Variants in CCDC50 observed in about 807,000 individuals in gnomAD.
CCDC50 encodes coiled-coil domain-containing protein 50.
Under a neutral mutation model 70.2 loss-of-function variants are expected in CCDC50, and 54 were observed. That is an observed-to-expected ratio of 0.77 (90% confidence interval 0.62 to 0.96). CCDC50 has a LOEUF of 0.96. CCDC50 is among the 50% of genes least tolerant of loss of function. The probability of loss-of-function intolerance (pLI) is 0.00; values close to 1 mark genes in which losing one functional copy is unlikely to be tolerated. For synonymous variants in CCDC50, 216 were observed against 198.8 expected, an observed-to-expected ratio of 1.09 and a Z score of -0.73; for missense variants, 558 against 578.7, an observed-to-expected ratio of 0.96 and a Z score of 0.37.
chr3:191,340,607 A>C (rs893279789), intron 1 of CCDC50, among the ~76,000 whole-genome samples: 1 of 152,204 alleles, frequency 6.6e-6, no homozygotes, highest in African/African-American at 2.4e-5. Flanking sequence ...TAATCTTCAC[A>C]TAGAATTCTA....
rs548841736 is a variant in CCDC50 at position 191,382,005 on chromosome 3, TTAAC to T, written c.1243-735_1243-732del. 4.6e-5 allele frequency among the ~76,000 whole-genome samples: 7 copies of T among 152,294 alleles called. No homozygotes were observed. In the South Asian group the frequency reaches 1.4e-3, roughly 32 times the overall value. On this transcript the variant is annotated intron_variant, in intron 9 of 11. Coordinates refer to ENST00000392455, the MANE Select transcript of CCDC50 (RefSeq NM_178335.3). ...TTAATTATGTATATTTAGCTCTCTC[TTAAC>T]TAACTCAGTAATTCAAGATTTTTTC...
rs142344820 is a variant in CCDC50, at chr3:191,351,677, GAT to G, written c.50-5409_50-5408del. Among the ~76,000 whole-genome samples the G allele has an allele frequency of 6.9e-3, 978 of 141,538 alleles. 113 individuals are homozygous for G. The highest frequency in any genetic ancestry group is 0.023 in the African/African-American group (915 of 39,764). 92.9% of individuals were successfully genotyped at this position (141,538 alleles called of 152,430 possible). Reference sequence around the variant, plus strand: ...ATGCAAGAAGAGAAAAAATATAAGAGATAGAGTTTGGTTGGCGTGAGGTGGAG... The same window carrying G: ...ATGCAAGAAGAGAAAAAATATAAGAGAGAGTTTGGTTGGCGTGAGGTGGAG... On this transcript the variant is annotated intron_variant, in intron 1 of 11. Coordinates refer to ENST00000392455, the MANE Select transcript of CCDC50 (RefSeq NM_178335.3).
chr3:191,351,663 G>T lies in CCDC50; in HGVS notation c.50-5425G>T, dbSNP rs533055624. 2.1e-5 allele frequency among the ~76,000 whole-genome samples: 3 copies of T among 141,308 alleles called. 1 individual carries two copies. The highest frequency in any genetic ancestry group is 4.8e-5 in the Non-Finnish European group (3 of 62,898). The allele number at this position is 141,308 out of a possible 152,430, so 92.7% of individuals were successfully genotyped here. Reference sequence around the variant, plus strand: ...GACTTCGGAAGCAAATGCAAGAAGAGAAAAAATATAAGAGATAGAGTTTGG... The same window carrying T: ...GACTTCGGAAGCAAATGCAAGAAGATAAAAAATATAAGAGATAGAGTTTGG... On this transcript the variant is annotated intron_variant, in intron 1 of 11. Transcript: ENST00000392455.
At chr3:191,350,732 C>T (rs374609869) in intron 1 of CCDC50, among the ~76,000 whole-genome samples, 1 of 141,946 alleles carries the variant, frequency 7.0e-6, no homozygotes, top group African/African-American at 2.5e-5. Context: ...GGTACTCATT[C>T]TGCATACTTG....
intron 3 of CCDC50, among the ~76,000 whole-genome samples, chr3:191,359,284 A>C (rs1712402754): frequency 6.6e-6 from 1 of 151,440 alleles, no homozygotes. Context: ...CAGAAGGAGC[A>C]GCATGCATAA....
chr3:191,329,587 G>T lies in CCDC50; in HGVS notation c.-88G>T. On this transcript the variant is annotated 5_prime_UTR_variant, in exon 1 of 12. Coordinates refer to ENST00000392455, the MANE Select transcript of CCDC50 (RefSeq NM_178335.3). ...GCCGGCCGGACTTTGCGCCGCGTCC[G>T]GCGCTGCTGCTGCGCTCGGGGCCCC... The T allele has an allele frequency of 7.1e-7, 1 of 1,407,856 alleles. No homozygotes were observed. The highest frequency in any genetic ancestry group is 9.7e-7 in the Non-Finnish European group (1 of 1,034,988). 87.2% of individuals were successfully genotyped at this position (1,407,856 alleles called of 1,614,324 possible).
rs1443339260 is a variant in CCDC50 at position 191,398,418 on chromosome 3, C to A, written c.*6658C>A. The A allele has an allele frequency of 2.0e-5, 3 of 152,084 alleles. No individual in the cohort carries two copies. The highest frequency in any genetic ancestry group is 4.4e-5 in the Non-Finnish European group (3 of 68,020). 9.4% of individuals were successfully genotyped at this position (152,084 alleles called of 1,614,324 possible). On this transcript the variant is annotated 3_prime_UTR_variant, in exon 12 of 12. Coordinates refer to ENST00000392455, the MANE Select transcript of CCDC50 (RefSeq NM_178335.3). ...TGTCCTTCTCTCTTAATAAAGTCAT[C>A]CATTTGTTAAGTCAGTGGTCTCTGT...
chr3:191,330,127 G>T (rs1051611850), intron 1 of CCDC50, among the ~76,000 whole-genome samples: 1 of 152,074 alleles, frequency 6.6e-6, no homozygotes, highest in Non-Finnish European at 1.5e-5. Flanking sequence ...ATTCAGTTCC[G>T]TGTGGAGCCT....
Position 191,357,303 on chromosome 3 carries a change from G to T in CCDC50, c.112+153G>T, listed in dbSNP as rs1560161550. ...GATTTCTTTAGGCAAATGATGCCTG[G>T]GTGATCAGTGAAGTTTCGGGCATGT... On this transcript the variant is annotated intron_variant, in intron 2 of 11. Transcript: ENST00000392455. 2.6e-5 allele frequency among the ~76,000 whole-genome samples: 4 copies of T among 152,114 alleles called. No homozygotes were observed. The South Asian group carries it at 8.3e-4, about 32-fold the overall frequency.
chr3:191,346,739 T>C (rs4677735), intron 1 of CCDC50, among the ~76,000 whole-genome samples: 98,269 of 152,032 alleles, frequency 0.65, 33,704 homozygotes, highest in East Asian at 0.92. Context: ...CTCTGGTTAT[T>C]GGAAAAATGG....
intron 6 of CCDC50, 127 bp downstream of exon 6, chr3:191,375,716 C>A: frequency 1.0e-6 from 1 of 989,320 alleles, no homozygotes; most frequent in Non-Finnish European, 1.5e-6. Flanking sequence ...GAAATAAATC[C>A]TAGAGCAACA....
At chr3:191,379,295 G>A (rs1003616545) in intron 6 of CCDC50, among the ~76,000 whole-genome samples, 3 of 151,980 alleles carry the variant, frequency 2.0e-5, no homozygotes, top group African/African-American at 4.8e-5. Flanking sequence ...CGAATATATA[G>A]CCCTGATTGA....
intron 1 of CCDC50, among the ~76,000 whole-genome samples, chr3:191,343,005 C>CT (rs1023679389): frequency 6.6e-6 from 1 of 152,140 alleles, no homozygotes; most frequent in African/African-American, 2.4e-5. Flanking sequence ...TGGGTTTGAA[C>CT]TGTGTGGGTC....
Position 191,395,020 on chromosome 3 carries a change from G to T in CCDC50, c.*3260G>T, listed in dbSNP as rs1222702641. On this transcript the variant is annotated 3_prime_UTR_variant, in exon 12 of 12. Coordinates refer to ENST00000392455, the MANE Select transcript of CCDC50 (RefSeq NM_178335.3). ...TAACCCTAGGTGTTCTGATGATAGA[G>T]AAATAGCTAAATTAGAAAAGAAAGA... 2 of 152,130 alleles carry T rather than the reference G, an allele frequency of 1.3e-5. No individual in the cohort carries two copies. 9.4% of individuals were successfully genotyped at this position (152,130 alleles called of 1,614,324 possible).
intron 1 of CCDC50, among the ~76,000 whole-genome samples, chr3:191,354,705 A>G (rs771363435): frequency 3.3e-5 from 5 of 152,146 alleles, no homozygotes; most frequent in Non-Finnish European, 5.9e-5. Flanking sequence ...AAGTTTCCCC[A>G]AACTAGTTTC....
At chr3:191,380,618 A>G (rs1422934540) in intron 7 of CCDC50, 69 bp from the exon 8 acceptor site, 5 of 1,440,518 alleles carry the variant, frequency 3.5e-6, no homozygotes, top group Non-Finnish European at 4.8e-6. Flanking sequence ...CTTATTTTGT[A>G]CAAGATACTG....
intron 6 of CCDC50, among the ~76,000 whole-genome samples, chr3:191,378,434 T>A (rs1184101364): frequency 6.6e-6 from 1 of 152,144 alleles, no homozygotes; most frequent in Non-Finnish European, 1.5e-5. Flanking sequence ...AAATTTGGTC[T>A]CTTGAAATTT....
intron 1 of CCDC50, among the ~76,000 whole-genome samples, chr3:191,345,870 C>T (rs1711897989): frequency 6.6e-6 from 1 of 152,200 alleles, no homozygotes; most frequent in African/African-American, 2.4e-5. Context: ...TGTTGGCACA[C>T]ATTTAAAACT....
chr3:191,370,988 C>T (rs1183037694), intron 5 of CCDC50, among the ~76,000 whole-genome samples: 1 of 152,174 alleles, frequency 6.6e-6, no homozygotes, highest in Non-Finnish European at 1.5e-5. Flanking sequence ...CTGGAAAGTA[C>T]TGTTTGAAGC....
Sources: allele counts gnomAD v4.1 joint callset (sites outside exome capture counted in the v4.1 genomes callset), GRCh38; gene constraint gnomAD v4.1.1; transcripts MANE v1.5; gene names NCBI Gene and HGNC (gene_info 2026-07-23, HGNC 2026-07-21).